SIL1: variants seen among roughly 807,000 people sequenced by gnomAD.
The protein encoded by SIL1 is nucleotide exchange factor SIL1.
SIL1 carries 40 observed loss-of-function variants against 49.1 expected under a neutral mutation model. That is an observed-to-expected ratio of 0.81 (90% CI 0.63 to 1.06). The LOEUF (loss-of-function observed/expected upper bound fraction) is 1.06, where lower values mean the gene tolerates loss of function less well. Ranked by LOEUF, SIL1 falls within the 50% of genes least tolerant of loss-of-function variation. SIL1 has a pLI of 0.00. For synonymous variants in SIL1, 253 were observed against 250.8 expected (o/e 1.01, Z -0.08); for missense variants, 500 against 572.6 (o/e 0.87, Z 1.29).
At chr5:139,061,225 C>CA (rs1769580866) in intron 3 of SIL1, among the ~76,000 whole-genome samples, 1 of 152,248 alleles carries the variant, frequency 6.6e-6, no homozygotes, top group African/African-American at 2.4e-5. Context: ...AGGGCCTGCT[C>CA]AGGTGGTGCC....
chr5:139,162,054 G>A (rs996846203), intron 1 of SIL1, among the ~76,000 whole-genome samples: 9 of 151,694 alleles, frequency 5.9e-5, no homozygotes, highest in African/African-American at 2.2e-4. Flanking sequence ...CTTACCAGGT[G>A]GGCACACCAG....
intron 1 of SIL1, among the ~76,000 whole-genome samples, chr5:139,145,665 TGTGTGTG>T (rs1343054921): frequency 2.2e-5 from 3 of 139,466 alleles, no homozygotes; most frequent in Non-Finnish European, 3.0e-5. Context: ...TGTGTGTGTG[TGTGTGTG>T]TGTGTGTGTA....
chr5:139,014,002 A>C (rs1768341778), intron 7 of SIL1: 1 of 152,214 alleles, frequency 6.6e-6, no homozygotes, highest in Non-Finnish European at 1.5e-5. Context: ...TGCTGTGAGC[A>C]CCACAGACTT....
At chr5:139,033,211 T>C (rs1768830902) in intron 5 of SIL1, among the ~76,000 whole-genome samples, 1 of 151,990 alleles carries the variant, frequency 6.6e-6, no homozygotes, top group African/African-American at 2.4e-5. Flanking sequence ...GCCAGACTGG[T>C]CTCGAACTCC....
intron 7 of SIL1, among the ~76,000 whole-genome samples, chr5:138,953,138 G>A (rs1304472095): frequency 6.6e-6 from 1 of 152,242 alleles, no homozygotes; most frequent in Non-Finnish European, 1.5e-5. Flanking sequence ...CATGCCTCTG[G>A]CTGCCTGCCC....
intron 2 of SIL1, among the ~76,000 whole-genome samples, chr5:139,122,212 G>C (rs990383718): frequency 6.6e-6 from 1 of 152,234 alleles, no homozygotes; most frequent in Middle Eastern, 3.4e-3. Flanking sequence ...ACTTTACATA[G>C]ATCTCATTTT....
chr5:139,125,243 C>A (rs1750730121), intron 2 of SIL1, among the ~76,000 whole-genome samples: 1 of 152,214 alleles, frequency 6.6e-6, no homozygotes, highest in Admixed American at 6.5e-5. Flanking sequence ...TCAGGGCTGC[C>A]TTCCACGCTG....
At chr5:139,144,812 A>G (rs1751160419) in intron 1 of SIL1, among the ~76,000 whole-genome samples, 1 of 152,174 alleles carries the variant, frequency 6.6e-6, no homozygotes. Flanking sequence ...TGGAGGTTGC[A>G]GTGAGCTGAG....
chr5:139,056,074 G>A (rs919895652), intron 3 of SIL1, among the ~76,000 whole-genome samples: 2 of 151,844 alleles, frequency 1.3e-5, no homozygotes, highest in African/African-American at 4.8e-5. Context: ...CGAGATTGCA[G>A]CCTCTGCCCG....
At chr5:139,035,685 A>T in intron 5 of SIL1, 1 of 238,790 alleles carries the variant, frequency 4.2e-6, no homozygotes, top group Non-Finnish European at 7.6e-6. Flanking sequence ...ACTCCTGCTC[A>T]GTCGCCAGGC....
Position 139,050,949 on chromosome 5 carries a change from CAAATT to C in SIL1, c.337_341del (p.Asn113GlufsTer42), listed in dbSNP as rs1430784955. 1.2e-6 allele frequency: 2 copies of C among 1,614,092 alleles called. No homozygotes were observed. The highest frequency in any genetic ancestry group is 2.2e-5 in the South Asian group (2 of 91,080). ...GGTTGACACTGTACCTTTTGCCTTTCAAATTATTTCGGAACTTGTCCTCATATTGG... is the reference window on the plus strand; with the variant it reads ...GGTTGACACTGTACCTTTTGCCTTTCATTTCGGAACTTGTCCTCATATTGG... On this transcript the variant is annotated frameshift_variant, in exon 4 of 10. Coordinates refer to ENST00000394817, the MANE Select transcript of SIL1 (RefSeq NM_022464.5). LOFTEE classifies it high-confidence loss of function.
intron 1 of SIL1, among the ~76,000 whole-genome samples, chr5:139,179,415 C>T (rs1165285751): frequency 1.3e-5 from 2 of 152,152 alleles, no homozygotes; most frequent in Non-Finnish European, 2.9e-5. Context: ...CAAAGTCGCT[C>T]CTGATGAGGC....
rs140990245 is a variant in SIL1 at position 138,981,876 on chromosome 5, A to G, written c.768-29992T>C. On this transcript the variant is annotated intron_variant, in intron 7 of 9. Coordinates refer to ENST00000394817, the MANE Select transcript of SIL1 (RefSeq NM_022464.5). Reference sequence around the variant, plus strand: ...AGCATTTATCACCACTTGGCACCACACTGTGGTTAGAAGTCTGGCTTTGAA... The same window carrying G: ...AGCATTTATCACCACTTGGCACCACGCTGTGGTTAGAAGTCTGGCTTTGAA... 5.2e-3 allele frequency among the ~76,000 whole-genome samples: 784 copies of G among 151,402 alleles called. 24 individuals are homozygous for G. Among genetic ancestry groups the G allele is most frequent in the Admixed American group, 0.047 (710 of 15,224 alleles).
At position 138,984,246 on chromosome 5, in the gene SIL1, A is replaced by G. The variant is rs78262619; in HGVS notation, c.768-32362T>C. On this transcript the variant is annotated intron_variant, in intron 7 of 9. Transcript: ENST00000394817. ...ATCCAGGCTCAAGTACAAAAGAGGAATGAACTCCTTAGAACCTGGATGCCA... is the reference window on the plus strand; with the variant it reads ...ATCCAGGCTCAAGTACAAAAGAGGAGTGAACTCCTTAGAACCTGGATGCCA... Among the ~76,000 whole-genome samples the G allele has an allele frequency of 6.6e-5, 10 of 152,144 alleles. 1 individual carries two copies. Among genetic ancestry groups the G allele is most frequent in the South Asian group, 4.1e-4 (2 of 4,828 alleles).
At chr5:139,147,361 G>A (rs919413974) in intron 1 of SIL1, among the ~76,000 whole-genome samples, 3 of 152,136 alleles carry the variant, frequency 2.0e-5, no homozygotes, top group African/African-American at 7.2e-5. Flanking sequence ...ATCAGTGCCT[G>A]CCTTCACCAA....
intron 1 of SIL1, among the ~76,000 whole-genome samples, chr5:139,161,363 T>A (rs759645686): frequency 3.3e-4 from 50 of 152,170 alleles, no homozygotes; most frequent in Non-Finnish European, 6.3e-4. Flanking sequence ...AGCCGTATAG[T>A]GAAGAGTAGA....
chr5:139,170,519 A>G (rs1436999508), intron 1 of SIL1, among the ~76,000 whole-genome samples: 2 of 121,826 alleles, frequency 1.6e-5, no homozygotes, highest in Non-Finnish European at 3.3e-5. Flanking sequence ...CTGCCCCACC[A>G]CCCCATCTGG....
At chr5:139,143,011 G>A (rs60868323) in intron 1 of SIL1, among the ~76,000 whole-genome samples, 12,088 of 151,496 alleles carry the variant, frequency 0.08, 859 homozygotes, top group African/African-American at 0.19. Context: ...CTCGTGATCC[G>A]CCCACCTTGG....
At chr5:139,048,609 A>T (rs1401592994) in intron 4 of SIL1, among the ~76,000 whole-genome samples, 1 of 151,736 alleles carries the variant, frequency 6.6e-6, no homozygotes, top group Non-Finnish European at 1.5e-5. Context: ...GGCTCAAACG[A>T]TCCACCCGCC....
Sources: gnomAD v4.1 joint callset for allele counts (sites outside exome capture counted in the v4.1 genomes callset) on GRCh38, gnomAD v4.1.1 for gene constraint, MANE v1.5 for transcripts, NCBI Gene and HGNC (gene_info 2026-07-23, HGNC 2026-07-21) for gene names.